The following ICA1L variants were observed in gnomAD, a reference collection of about 807,000 sequenced individuals.
ICA1L encodes the protein islet cell autoantigen 1-like protein.
ICA1L carries 50 observed loss-of-function variants against 61.3 expected under a neutral mutation model. That is an observed-to-expected ratio of 0.82 (90% CI 0.65 to 1.03). ICA1L has a LOEUF of 1.03. ICA1L is among the 50% of genes least tolerant of loss of function. ICA1L has a pLI of 0.00. For synonymous variants in ICA1L, 161 were observed against 191.3 expected (o/e 0.84, Z 1.31); for missense variants, 508 against 556.7 (o/e 0.91, Z 0.88).
At chr2:202,786,312 C>T (rs537587418) in intron 11 of ICA1L, among the ~76,000 whole-genome samples, 102 of 150,878 alleles carry the variant, frequency 6.8e-4, no homozygotes, top group African/African-American at 2.2e-3. Context: ...TTTGGGAGGC[C>T]GAGGCGGGTG....
intron 1 of ICA1L, among the ~76,000 whole-genome samples, chr2:202,833,218 A>G (rs912856853): frequency 7.2e-5 from 11 of 152,234 alleles, no homozygotes; most frequent in African/African-American, 1.7e-4. Flanking sequence ...ATGGAAGGAT[A>G]TATTTAAGGT....
intron 1 of ICA1L, chr2:202,860,364 T>C (rs1172861212): frequency 6.6e-6 from 1 of 151,464 alleles, no homozygotes; most frequent in East Asian, 1.9e-4. Flanking sequence ...ACATTAAAAA[T>C]GACATTAAAT....
At chr2:202,820,108 T>C in intron 4 of ICA1L, 1 of 527,072 alleles carries the variant, frequency 1.9e-6, no homozygotes, top group Non-Finnish European at 3.4e-6. Flanking sequence ...GCGCGGTGGC[T>C]GACGCTTGTA....
chr2:202,839,593 TG>T (rs1694263034), intron 1 of ICA1L, among the ~76,000 whole-genome samples: 1 of 147,568 alleles, frequency 6.8e-6, no homozygotes, highest in Non-Finnish European at 1.5e-5. Context: ...TGTGTGTGTG[TG>T]TGTGTGTGTG....
At chr2:202,811,489 C>G (rs967921723) in intron 9 of ICA1L, among the ~76,000 whole-genome samples, 1 of 151,634 alleles carries the variant, frequency 6.6e-6, no homozygotes, top group African/African-American at 2.4e-5. Flanking sequence ...GAAACCCTGT[C>G]TCTACTAAAA....
At position 202,796,538 on chromosome 2, in the gene ICA1L, G is replaced by T. The variant is rs570042745; in HGVS notation, c.985+352C>A. On this transcript the variant is annotated intron_variant, in intron 10 of 12. Transcript: ENST00000358299. The stretch of plus-strand genomic sequence containing the variant: ...TAGTGATTTTAATTTATTTAATGTT[G>T]AATGACATTTACTATTTTGCTAGTA... 2.6e-5 allele frequency among the ~76,000 whole-genome samples: 4 copies of T among 152,184 alleles called. No homozygotes were observed. In the South Asian group the frequency reaches 8.3e-4, roughly 32 times the overall value.
At chr2:202,819,562 A>C in intron 5 of ICA1L, 139 bp downstream of exon 5, 1 of 675,172 alleles carries the variant, frequency 1.5e-6, no homozygotes, top group Non-Finnish European at 2.5e-6. Context: ...TTGTACTTCA[A>C]CTACAGTCTC....
At chr2:202,810,866 C>T (rs1194096459) in intron 9 of ICA1L, among the ~76,000 whole-genome samples, 1 of 152,166 alleles carries the variant, frequency 6.6e-6, no homozygotes, top group Non-Finnish European at 1.5e-5. Flanking sequence ...CCCTGGTCTC[C>T]TGTAGCGCTC....
intron 12 of ICA1L, among the ~76,000 whole-genome samples, chr2:202,782,689 G>C (rs1187109106): frequency 1.3e-5 from 2 of 152,014 alleles, no homozygotes; most frequent in East Asian, 3.9e-4. Flanking sequence ...TTAGAGGCAT[G>C]AGCCACCGCA....
At chr2:202,864,454 C>T (rs147361301) in intron 1 of ICA1L, among the ~76,000 whole-genome samples, 2 of 151,924 alleles carry the variant, frequency 1.3e-5, no homozygotes, top group South Asian at 2.1e-4. Context: ...ACCGTGGTCT[C>T]GATCTCCTGA....
chr2:202,831,639 C>T lies in ICA1L; in HGVS notation c.-7-2623G>A, dbSNP rs1694017269. Among the ~76,000 whole-genome samples the T allele has an allele frequency of 2.0e-5, 3 of 152,310 alleles. No homozygotes were observed. In the South Asian group the frequency reaches 6.2e-4, roughly 32 times the overall value. On this transcript the variant is annotated intron_variant, in intron 1 of 12. Transcript: ENST00000358299. Reference sequence around the variant, plus strand: ...CCTCGCAACCACTCTCTCCATATCTCTTTGGGAGAGAAAGAGTAACATCTG... The same window carrying T: ...CCTCGCAACCACTCTCTCCATATCTTTTTGGGAGAGAAAGAGTAACATCTG...
chr2:202,808,924 A>AAACTTTCC (rs1693300887), intron 9 of ICA1L, among the ~76,000 whole-genome samples: 2 of 152,230 alleles, frequency 1.3e-5, no homozygotes, highest in African/African-American at 4.8e-5. Flanking sequence ...AAGGACAGGT[A>AAACTTTCC]CAAACAAGCC....
rs1302708770 is a variant in ICA1L, at chr2:202,778,297, A to C, written c.*1236T>G. 6.6e-6 allele frequency: 1 copy of C among 152,184 alleles called. No individual in the cohort carries two copies. The highest frequency in any genetic ancestry group is 1.5e-5 in the Non-Finnish European group (1 of 68,028). 9.4% of individuals were successfully genotyped at this position (152,184 alleles called of 1,614,324 possible). ...GGCAATTTAAAAGGACAGGAAATTGAGTGATTGATGTGTGTGTACGGTAGC... is the reference window on the plus strand; with the variant it reads ...GGCAATTTAAAAGGACAGGAAATTGCGTGATTGATGTGTGTGTACGGTAGC... On this transcript the variant is annotated 3_prime_UTR_variant, in exon 13 of 13. Transcript: ENST00000358299.
Position 202,820,289 on chromosome 2 carries a change from C to T in ICA1L, c.360-390G>A, listed in dbSNP as rs186433426. ...ACTCGGGAGGCTGAGGCAGGAGAAT[C>T]GCTTGAACCCGGGAGGTGGAGGTTG... On this transcript the variant is annotated intron_variant, in intron 4 of 12. Transcript: ENST00000358299. Among the ~76,000 whole-genome samples the T allele has an allele frequency of 3.9e-4, 59 of 151,768 alleles. 1 individual carries two copies. Among genetic ancestry groups the T allele is most frequent in the African/African-American group, 1.4e-3 (56 of 41,416 alleles).
intron 4 of ICA1L, among the ~76,000 whole-genome samples, chr2:202,821,004 G>GTAT: frequency 6.6e-6 from 1 of 152,062 alleles, no homozygotes; most frequent in Non-Finnish European, 1.5e-5. Context: ...GTATCAAAAA[G>GTAT]CGAAATTGGA....
intron 10 of ICA1L, among the ~76,000 whole-genome samples, chr2:202,790,850 A>C (rs759759257): frequency 3.3e-5 from 5 of 152,208 alleles, no homozygotes; most frequent in Non-Finnish European, 7.3e-5. Context: ...CTCAGAAAGA[A>C]GTATGCCATT....
chr2:202,847,395 G>T (rs1694491926), intron 1 of ICA1L, among the ~76,000 whole-genome samples: 1 of 152,034 alleles, frequency 6.6e-6, no homozygotes, highest in South Asian at 2.1e-4. Flanking sequence ...ATTTCCAACA[G>T]GTAATTAAAA....
At chr2:202,808,543 A>T (rs1289377488) in intron 9 of ICA1L, among the ~76,000 whole-genome samples, 1 of 152,108 alleles carries the variant, frequency 6.6e-6, no homozygotes, top group Non-Finnish European at 1.5e-5. Context: ...CACCCTGAAG[A>T]GAACGACACA....
At chr2:202,864,850 C>T (rs1687443604) in intron 1 of ICA1L, among the ~76,000 whole-genome samples, 1 of 152,020 alleles carries the variant, frequency 6.6e-6, no homozygotes, top group African/African-American at 2.4e-5. Flanking sequence ...GAAACTCCAT[C>T]TCTACTAAAA....
Sources: gnomAD v4.1 joint callset for allele counts (sites outside exome capture counted in the v4.1 genomes callset) on GRCh38, gnomAD v4.1.1 for gene constraint, MANE v1.5 for transcripts, NCBI Gene and HGNC (gene_info 2026-07-23, HGNC 2026-07-21) for gene names.